Variants in WDR7 observed in about 807,000 individuals in gnomAD.
WDR7 encodes WD repeat domain 7.
Under a neutral mutation model 169.4 loss-of-function variants are expected in WDR7, and 46 were observed. The ratio of observed to expected loss-of-function variants is 0.27; its 90% CI spans 0.21 to 0.35. The LOEUF is 0.35. Among genes scored for constraint, WDR7 ranks in the 10% least tolerant of loss-of-function variants. WDR7 has a pLI of 1.00. For missense variants in WDR7, 1,534 were observed against 1,859.3 expected (o/e 0.83, Z 3.22); for synonymous variants, 612 against 666.8 (o/e 0.92, Z 1.27).
chr18:56,659,006 G>A (rs12605924), intron 1 of WDR7, among the ~76,000 whole-genome samples: 107,676 of 152,122 alleles, frequency 0.71, 43,143 homozygotes, highest in East Asian at 0.96. Context: ...TTGAGCCACC[G>A]CGCCCGGCCC....
chr18:56,701,209 T>C (rs778977510), intron 12 of WDR7, among the ~76,000 whole-genome samples: 14 of 152,224 alleles, frequency 9.2e-5, no homozygotes, highest in Non-Finnish European at 1.8e-4. Flanking sequence ...AAGGGCGTAT[T>C]ATAGGTACCC....
chr18:56,820,359 A>AAAAAACAAAAAAACAAAAAC (rs1555695958), intron 20 of WDR7, among the ~76,000 whole-genome samples: 1 of 127,464 alleles, frequency 7.8e-6, no homozygotes, highest in African/African-American at 3.5e-5. Flanking sequence ...AAAAAAAAAA[A>AAAAAACAAAAAAACAAAAAC]AAAAACCACC....
At chr18:56,829,077 G>A (rs1446327366) in intron 20 of WDR7, among the ~76,000 whole-genome samples, 1 of 148,128 alleles carries the variant, frequency 6.8e-6, no homozygotes, top group Non-Finnish European at 1.5e-5. Flanking sequence ...CAGACCAGGG[G>A]TTCAAGATTA....
At chr18:56,823,655 C>T (rs114201938) in intron 20 of WDR7, among the ~76,000 whole-genome samples, 1 of 152,074 alleles carries the variant, frequency 6.6e-6, no homozygotes, top group East Asian at 1.9e-4. Context: ...ATATGTATAC[C>T]TCAGTTAAAG....
chr18:56,861,798 A>G (rs1452542140), intron 20 of WDR7, among the ~76,000 whole-genome samples: 4 of 152,140 alleles, frequency 2.6e-5, no homozygotes, highest in African/African-American at 4.8e-5. Flanking sequence ...CTCTGCTCCT[A>G]TGAAAATTAA....
chr18:56,756,281 A>G (rs2043886238), intron 14 of WDR7, among the ~76,000 whole-genome samples: 1 of 152,204 alleles, frequency 6.6e-6, no homozygotes, highest in Non-Finnish European at 1.5e-5. Context: ...ATTGAAACAC[A>G]TTTTAATCAT....
In WDR7 at chr18:56,844,326, A is replaced by G. The variant is rs1232080524; in HGVS notation, c.3304+28182A>G. 3.3e-5 allele frequency among the ~76,000 whole-genome samples: 5 copies of G among 152,196 alleles called. No homozygotes were observed. The East Asian group carries it at 9.6e-4, about 29-fold the overall frequency. ...ATTACTTTAACTTTTTAAAAAATAGATACATCATTTCTGATGCTTATGTTC... is the reference window on the plus strand; with the variant it reads ...ATTACTTTAACTTTTTAAAAAATAGGTACATCATTTCTGATGCTTATGTTC... On this transcript the variant is annotated intron_variant, in intron 20 of 27. Transcript: ENST00000254442.
intron 14 of WDR7, among the ~76,000 whole-genome samples, chr18:56,753,536 T>C (rs1178083075): frequency 6.6e-6 from 1 of 152,152 alleles, no homozygotes; most frequent in Non-Finnish European, 1.5e-5. Context: ...TAAAATGTTG[T>C]GGGAGTTGGA....
chr18:56,858,054 G>C (rs1334627806), intron 20 of WDR7, among the ~76,000 whole-genome samples: 1 of 152,008 alleles, frequency 6.6e-6, no homozygotes, highest in Non-Finnish European at 1.5e-5. Flanking sequence ...TCTCTCTCCA[G>C]ATCTCATCTC....
In WDR7 at chr18:56,970,948, G is replaced by A. The variant is rs371164914; in HGVS notation, c.4164+8419G>A. ...TATAAGCAACTGTGAATAATGGAAAGACTTTTGAACTGTGGGTATTCTCAT... is the reference window on the plus strand; with the variant it reads ...TATAAGCAACTGTGAATAATGGAAAAACTTTTGAACTGTGGGTATTCTCAT... On this transcript the variant is annotated intron_variant, in intron 26 of 27. Transcript: ENST00000254442. Among the ~76,000 whole-genome samples the A allele has an allele frequency of 1.8e-3, 278 of 152,242 alleles. 1 individual carries two copies. Among genetic ancestry groups the A allele is most frequent in the African/African-American group, 6.3e-3 (261 of 41,540 alleles).
At chr18:56,979,708 C>A (rs2047614457) in intron 26 of WDR7, among the ~76,000 whole-genome samples, 2 of 152,198 alleles carry the variant, frequency 1.3e-5, no homozygotes, top group Admixed American at 1.3e-4. Flanking sequence ...TTACCACCTA[C>A]TAGCTACTAG....
intron 25 of WDR7, among the ~76,000 whole-genome samples, chr18:56,960,871 A>G (rs1414178977): frequency 1.3e-5 from 2 of 152,032 alleles, no homozygotes; most frequent in African/African-American, 4.8e-5. Flanking sequence ...GGAGCTTTCT[A>G]TATCCTTCCT....
chr18:56,941,162 T>C (rs2047031170), intron 25 of WDR7, among the ~76,000 whole-genome samples: 1 of 152,176 alleles, frequency 6.6e-6, no homozygotes, highest in Non-Finnish European at 1.5e-5. Flanking sequence ...GAGGTAATTA[T>C]ACAGACAGAT....
intron 21 of WDR7, among the ~76,000 whole-genome samples, chr18:56,886,646 T>A (rs1226273488): frequency 6.6e-6 from 1 of 152,200 alleles, no homozygotes; most frequent in African/African-American, 2.4e-5. Context: ...TGAATGTAAA[T>A]GGCCTAAATG....
chr18:57,010,064 T>C (rs926351121), intron 26 of WDR7: 20 of 985,348 alleles, frequency 2.0e-5, no homozygotes, highest in Non-Finnish European at 2.4e-5. Flanking sequence ...GCCTGAAATG[T>C]CTAGAAAGGG....
chr18:56,731,067 G>A (rs768181438), intron 13 of WDR7, among the ~76,000 whole-genome samples: 3 of 152,132 alleles, frequency 2.0e-5, no homozygotes, highest in Non-Finnish European at 2.9e-5. Flanking sequence ...GTAATGGTGC[G>A]ATGGGACAGG....
At chr18:56,695,321 T>A (rs2025675325) in intron 11 of WDR7, 123 bp downstream of exon 11, 1 of 1,272,624 alleles carries the variant, frequency 7.9e-7, no homozygotes, top group Non-Finnish European at 1.1e-6. Context: ...GTTGGGGTGC[T>A]ATGTAGTTGG....
At chr18:56,687,013 C>A in intron 7 of WDR7, 39 bp downstream of exon 7, 2 of 1,544,410 alleles carry the variant, frequency 1.3e-6, no homozygotes, top group Non-Finnish European at 1.8e-6. Flanking sequence ...TATTTTTATC[C>A]TTCAAGACAT....
At chr18:56,819,396 C>T (rs1293759114) in intron 20 of WDR7, among the ~76,000 whole-genome samples, 1 of 152,162 alleles carries the variant, frequency 6.6e-6, no homozygotes, top group Non-Finnish European at 1.5e-5. Flanking sequence ...TTCTCTATCT[C>T]TCTTTTTAAA....
Sources: gnomAD v4.1 joint callset for allele counts (sites outside exome capture counted in the v4.1 genomes callset) on GRCh38, gnomAD v4.1.1 for gene constraint, MANE v1.5 for transcripts, NCBI Gene and HGNC (gene_info 2026-07-23, HGNC 2026-07-21) for gene names.